Variants in LMX1A observed in about 807,000 individuals in gnomAD.
LMX1A encodes the protein LIM homeobox transcription factor 1 alpha.
A neutral mutation model predicts 49.1 loss-of-function variants in LMX1A; 15 were observed. The ratio of observed to expected loss-of-function variants is 0.31; its 90% CI spans 0.20 to 0.47. The LOEUF is 0.47. LMX1A is among the 20% of genes least tolerant of loss of function. The pLI is 1.00. For missense variants in LMX1A, 372 were observed against 475.8 expected (o/e 0.78, Z 2.03); for synonymous variants, 167 against 185.7 (o/e 0.90, Z 0.82).
intron 4 of LMX1A, among the ~76,000 whole-genome samples, chr1:165,219,562 C>T (rs188333893): frequency 2.0e-5 from 3 of 152,240 alleles, no homozygotes; most frequent in African/African-American, 4.8e-5. Flanking sequence ...ACAATAGCAG[C>T]GATCAACTCT....
intron 8 of LMX1A, among the ~76,000 whole-genome samples, chr1:165,205,323 AC>A (rs1436746653): frequency 6.6e-6 from 1 of 152,174 alleles, no homozygotes; most frequent in African/African-American, 2.4e-5. Context: ...AGGCTCAGCT[AC>A]CCATATATGC....
At chr1:165,281,992 G>A (rs1382884518) in intron 3 of LMX1A, among the ~76,000 whole-genome samples, 3 of 152,162 alleles carry the variant, frequency 2.0e-5, no homozygotes, top group African/African-American at 7.2e-5. Flanking sequence ...ACTGTGGTTA[G>A]GAGCACAGAT....
chr1:165,325,728 A>C (rs1341615625), intron 3 of LMX1A, among the ~76,000 whole-genome samples: 1 of 152,144 alleles, frequency 6.6e-6, no homozygotes, highest in Non-Finnish European at 1.5e-5. Flanking sequence ...TGATGAACTC[A>C]AACACCAGCA....
intron 3 of LMX1A, among the ~76,000 whole-genome samples, chr1:165,292,456 A>G (rs938221550): frequency 1.3e-5 from 2 of 152,192 alleles, no homozygotes; most frequent in African/African-American, 4.8e-5. Context: ...AAGAAAAGAT[A>G]TGAGAGATAT....
intron 3 of LMX1A, among the ~76,000 whole-genome samples, chr1:165,352,422 C>T (rs2101774162): frequency 6.6e-6 from 1 of 152,302 alleles, no homozygotes; most frequent in Admixed American, 6.5e-5. Context: ...CAACTACTGT[C>T]CTAAAAGCCC....
At position 165,253,499 on chromosome 1, in the gene LMX1A, A is replaced by G. The variant is rs181067589; in HGVS notation, c.264-3859T>C. Among the ~76,000 whole-genome samples the G allele has an allele frequency of 1.7e-3, 262 of 152,278 alleles. 1 individual carries two copies. Among genetic ancestry groups the G allele is most frequent in the African/African-American group, 6.1e-3 (255 of 41,568 alleles). On this transcript the variant is annotated intron_variant, in intron 3 of 8. Transcript: ENST00000342310. The stretch of plus-strand genomic sequence containing the variant: ...TACTCACAGGTTGACACAAAAAAAG[A>G]GGGCCATTCTAATTCTTTGAGTGAA...
At chr1:165,271,348 G>A (rs1418952322) in intron 3 of LMX1A, among the ~76,000 whole-genome samples, 1 of 152,174 alleles carries the variant, frequency 6.6e-6, no homozygotes, top group African/African-American at 2.4e-5. Context: ...ATAGAGAGAG[G>A]CTGGATCCCT....
chr1:165,302,347 G>A (rs1486050255), intron 3 of LMX1A, among the ~76,000 whole-genome samples: 1 of 152,054 alleles, frequency 6.6e-6, no homozygotes, highest in African/African-American at 2.4e-5. Context: ...AGGTGGCTGA[G>A]GCAGGAGAGT....
Position 165,272,037 on chromosome 1 carries a change from A to G in LMX1A, c.264-22397T>C, listed in dbSNP as rs138160898. Among the ~76,000 whole-genome samples, 469 of 152,176 alleles carry G rather than the reference A, an allele frequency of 3.1e-3. 4 individuals are homozygous for G. Among genetic ancestry groups the G allele is most frequent in the African/African-American group, 0.011 (439 of 41,518 alleles). On this transcript the variant is annotated intron_variant, in intron 3 of 8. Coordinates refer to ENST00000342310, the MANE Select transcript of LMX1A (RefSeq NM_177398.4). ...TATATTTTTTTAAGTTTCGGGGTAC[A>G]TGTGCAGGATGTGCAGGTTTGTTAC... is the stretch of plus-strand genomic sequence containing the variant.
intron 3 of LMX1A, among the ~76,000 whole-genome samples, chr1:165,315,912 A>G (rs767941605): frequency 2.0e-5 from 3 of 152,224 alleles, no homozygotes; most frequent in Non-Finnish European, 4.4e-5. Context: ...GGGGTTCTGA[A>G]AATTGGAAAT....
chr1:165,203,955 A>T lies in LMX1A; in HGVS notation c.1074T>A (p.Ala358=). ...LGDCFLATSE[A]GPLQSRVGNP... ...TTCCCACTCTGGACTGCAGAGGCCCAGCTTCTGAGGTTGCTAGGAAACAAT... is the reference window on the plus strand; with the variant it reads ...TTCCCACTCTGGACTGCAGAGGCCCTGCTTCTGAGGTTGCTAGGAAACAAT... Residue 358 remains alanine, a synonymous_variant, in exon 9 of 9, where the codon GCT becomes GCA. Transcript: ENST00000342310. The T allele has an allele frequency of 6.2e-7, 1 of 1,614,136 alleles. No individual in the cohort carries two copies. The highest frequency in any genetic ancestry group is 8.5e-7 in the Non-Finnish European group (1 of 1,180,010).
At chr1:165,325,794 G>A (rs1655560376) in intron 3 of LMX1A, among the ~76,000 whole-genome samples, 1 of 152,176 alleles carries the variant, frequency 6.6e-6, no homozygotes, top group South Asian at 2.1e-4. Context: ...TAAGCCAGGA[G>A]AGTTAATAAA....
intron 3 of LMX1A, among the ~76,000 whole-genome samples, chr1:165,280,742 G>C (rs1654120572): frequency 6.6e-6 from 1 of 152,162 alleles, no homozygotes; most frequent in East Asian, 1.9e-4. Flanking sequence ...AAAAGTTATG[G>C]AAGCAGACTT....
At chr1:165,347,466 C>T (rs1449892543) in intron 3 of LMX1A, among the ~76,000 whole-genome samples, 1 of 152,214 alleles carries the variant, frequency 6.6e-6, no homozygotes, top group Non-Finnish European at 1.5e-5. Flanking sequence ...TCACCCCATC[C>T]CTATATCTCA....
Position 165,206,044 on chromosome 1 carries a change from AAAG to A in LMX1A, c.818-13_818-11del, listed in dbSNP as rs765647188. 13 of 1,529,898 alleles carry A rather than the reference AAAG, an allele frequency of 8.5e-6. No individual in the cohort carries two copies. Among genetic ancestry groups the A allele is most frequent in the Admixed American group, 6.3e-5 (3 of 47,284 alleles). 94.8% of individuals were successfully genotyped at this position (1,529,898 alleles called of 1,614,324 possible). A position where few individuals can be genotyped will look rare whatever the true frequency, so the allele number is the denominator to read the frequency against. On this transcript the variant is annotated splice_polypyrimidine_tract_variant and intron_variant, in intron 7 of 8. Transcript: ENST00000342310. ...CCACCGTTTGTCTGAGCTGTGGAAC[AAAG>A]AAGAAGCCAGGTCATTCTCAACGTG...
intron 3 of LMX1A, among the ~76,000 whole-genome samples, chr1:165,269,961 T>C (rs1225463972): frequency 6.6e-6 from 1 of 151,710 alleles, no homozygotes; most frequent in Non-Finnish European, 1.5e-5. Flanking sequence ...ACCTGGGTGA[T>C]AGGTTGATAG....
At chr1:165,257,532 T>A (rs1329612253) in intron 3 of LMX1A, among the ~76,000 whole-genome samples, 2 of 152,110 alleles carry the variant, frequency 1.3e-5, no homozygotes, top group Non-Finnish European at 2.9e-5. Flanking sequence ...TCTATGGATG[T>A]GGGTTAGGAA....
At chr1:165,207,724 A>C (rs1421814276) in intron 7 of LMX1A, 1 of 292,266 alleles carries the variant, frequency 3.4e-6, no homozygotes, top group Non-Finnish European at 6.3e-6. Context: ...CTATTAAATC[A>C]ATTAGCCTGG....
intron 3 of LMX1A, among the ~76,000 whole-genome samples, chr1:165,308,812 C>A (rs367578339): frequency 6.6e-6 from 1 of 152,132 alleles, no homozygotes; most frequent in African/African-American, 2.4e-5. Flanking sequence ...TGCATCCACT[C>A]CCAGTCTCTG....
Sources: allele counts gnomAD v4.1 joint callset (sites outside exome capture counted in the v4.1 genomes callset), GRCh38; gene constraint gnomAD v4.1.1; transcripts MANE v1.5; gene names NCBI Gene and HGNC (gene_info 2026-07-23, HGNC 2026-07-21).